The following TMEM156 variants were observed in gnomAD, a reference collection of about 807,000 sequenced individuals.
TMEM156 encodes the protein transmembrane protein 156.
A neutral mutation model predicts 30.5 loss-of-function variants in TMEM156; 28 were observed. The observed-to-expected ratio is 0.92, with a 90% CI of 0.68 to 1.26. The LOEUF is 1.26. Ranked by LOEUF, TMEM156 falls within the 50% of genes most tolerant of loss-of-function variation. The probability of loss-of-function intolerance (pLI) is 0.00; values close to 1 mark genes in which losing one functional copy is unlikely to be tolerated. For synonymous variants in TMEM156, 137 were observed against 119.9 expected (o/e 1.14, Z -0.93); for missense variants, 351 against 340.6 (o/e 1.03, Z -0.24).
chr4:39,006,731 A>G (rs956635519), intron 1 of TMEM156, among the ~76,000 whole-genome samples: 9 of 152,106 alleles, frequency 5.9e-5, no homozygotes, highest in Admixed American at 5.9e-4. Context: ...AGCCTGGCCA[A>G]CGTGGCAAAA....
chr4:39,028,429 CCT>C, intron 1 of TMEM156: 1 of 152,204 alleles, frequency 6.6e-6, no homozygotes, highest in East Asian at 1.9e-4. Flanking sequence ...CAAGGAACGT[CCT>C]CCCAAAGACT....
chr4:39,032,360 T>A lies in TMEM156; in HGVS notation c.-47A>T. On this transcript the variant is annotated 5_prime_UTR_variant, in exon 1 of 7. Transcript: ENST00000381938. ...GTGTTCCCTTGCAGTACATTCATGG[T>A]ATGTTGCTTCCTGCTTTAAGTTTAT... 8.4e-7 allele frequency: 1 copy of A among 1,195,908 alleles called. No individual in the cohort carries two copies. The highest frequency in any genetic ancestry group is 1.2e-6 in the Non-Finnish European group (1 of 814,456). The allele number at this position is 1,195,908 out of a possible 1,614,324, so 74.1% of individuals were successfully genotyped here. A position where few individuals can be genotyped will look rare whatever the true frequency, so the allele number is the denominator to read the frequency against.
chr4:38,969,824 C>A (rs1307431995), intron 6 of TMEM156, among the ~76,000 whole-genome samples: 1 of 152,176 alleles, frequency 6.6e-6, no homozygotes, highest in Admixed American at 6.5e-5. Context: ...AACCCCTGAG[C>A]TCCAGCAACC....
At position 38,993,732 on chromosome 4, in the gene TMEM156, A is replaced by T. The variant is rs1291086999; in HGVS notation, c.619+6T>A. 6.2e-7 allele frequency: 1 copy of T among 1,608,994 alleles called. No individual in the cohort carries two copies. Among genetic ancestry groups the T allele is most frequent in the South Asian group, 1.1e-5 (1 of 90,914 alleles). On this transcript the variant is annotated splice_donor_region_variant and intron_variant, in intron 3 of 6. Coordinates refer to ENST00000381938, the MANE Select transcript of TMEM156 (RefSeq NM_024943.3). Reference sequence around the variant, plus strand: ...CCTTTTCCCTTTAGTTTCCTTAAAAACTTACTTTTTATATCCATCTCTAGG... The same window carrying T: ...CCTTTTCCCTTTAGTTTCCTTAAAATCTTACTTTTTATATCCATCTCTAGG...
intron 1 of TMEM156, among the ~76,000 whole-genome samples, chr4:39,018,096 AT>A (rs968509502): frequency 1.1e-4 from 17 of 151,116 alleles, no homozygotes; most frequent in East Asian, 1.9e-4. Flanking sequence ...TGATTCAGTG[AT>A]TTTTTTTTCT....
At chr4:38,968,238 A>G (rs191372444) in intron 6 of TMEM156, among the ~76,000 whole-genome samples, 3 of 152,346 alleles carry the variant, frequency 2.0e-5, no homozygotes, top group Admixed American at 6.5e-5. Context: ...GTAAGTGTTC[A>G]TGCCAGTTTC....
chr4:38,974,058 CGT>C (rs60030815), intron 5 of TMEM156, among the ~76,000 whole-genome samples: 15,353 of 149,100 alleles, frequency 0.1, 1,346 homozygotes, highest in African/African-American at 0.24. Flanking sequence ...GGAAGGAGTG[CGT>C]GTGTGTGTGT....
intron 6 of TMEM156, among the ~76,000 whole-genome samples, chr4:38,969,471 A>C (rs1467233441): frequency 6.6e-6 from 1 of 152,176 alleles, no homozygotes; most frequent in Non-Finnish European, 1.5e-5. Flanking sequence ...TTATCCATTC[A>C]CCTGTTGATG....
At chr4:38,994,878 C>T (rs1468889902) in intron 2 of TMEM156, among the ~76,000 whole-genome samples, 1 of 151,838 alleles carries the variant, frequency 6.6e-6, no homozygotes, top group East Asian at 1.9e-4. Flanking sequence ...GCAGACGTTG[C>T]AGTGGGTCAA....
At chr4:38,981,582 C>T (rs1255478257) in intron 5 of TMEM156, among the ~76,000 whole-genome samples, 4 of 152,156 alleles carry the variant, frequency 2.6e-5, no homozygotes, top group South Asian at 2.1e-4. Flanking sequence ...CATTACATGG[C>T]GTGCTAGAAA....
chr4:39,011,826 T>C (rs1714142199), intron 1 of TMEM156, among the ~76,000 whole-genome samples: 1 of 152,092 alleles, frequency 6.6e-6, no homozygotes, highest in African/African-American at 2.4e-5. Flanking sequence ...CATGGAATAC[T>C]ATTCAGCCAT....
intron 6 of TMEM156, among the ~76,000 whole-genome samples, chr4:38,969,277 T>C (rs1184335655): frequency 6.6e-6 from 1 of 152,210 alleles, no homozygotes; most frequent in Non-Finnish European, 1.5e-5. Context: ...ATCTTTCCAC[T>C]CTACTTCCAT....
chr4:38,988,473 C>A (rs755351730), intron 4 of TMEM156, among the ~76,000 whole-genome samples: 1 of 152,174 alleles, frequency 6.6e-6, no homozygotes, highest in Non-Finnish European at 1.5e-5. Context: ...CTCAGGTGAT[C>A]CGCCTGCCTC....
chr4:38,975,413 C>T (rs1385225026), intron 5 of TMEM156, among the ~76,000 whole-genome samples: 1 of 138,070 alleles, frequency 7.2e-6, no homozygotes, highest in Admixed American at 7.7e-5. Context: ...GACAGAGTCT[C>T]GCTTTTTCAC....
intron 5 of TMEM156, among the ~76,000 whole-genome samples, chr4:38,977,722 CTTT>C (rs752162515): frequency 3.8e-4 from 58 of 152,306 alleles, no homozygotes; most frequent in Non-Finnish European, 6.8e-4. Flanking sequence ...TCTATGACTT[CTTT>C]TCAGAAACTT....
intron 1 of TMEM156, among the ~76,000 whole-genome samples, chr4:39,021,423 G>T (rs1450134764): frequency 1.3e-5 from 2 of 150,956 alleles, no homozygotes; most frequent in Non-Finnish European, 3.0e-5. Flanking sequence ...AAAAAGAAAA[G>T]AAAAGAAAAA....
At chr4:38,977,793 C>G (rs1397060117) in intron 5 of TMEM156, among the ~76,000 whole-genome samples, 3 of 152,150 alleles carry the variant, frequency 2.0e-5, no homozygotes, top group Admixed American at 1.3e-4. Context: ...CTGGCTGAAT[C>G]TAGTGAACAA....
intron 3 of TMEM156, 64 bp from the exon 4 acceptor site, chr4:38,989,034 G>C (rs942472110): frequency 3.9e-6 from 6 of 1,531,956 alleles, no homozygotes; most frequent in Non-Finnish European, 3.6e-6. Context: ...AGGCAATGTG[G>C]CAGTGTAGCT....
chr4:39,020,215 C>A (rs1471253010), intron 1 of TMEM156, among the ~76,000 whole-genome samples: 3 of 152,182 alleles, frequency 2.0e-5, no homozygotes, highest in African/African-American at 7.2e-5. Context: ...CTGATGGACA[C>A]TTACATTGAT....
Sources: allele counts gnomAD v4.1 joint callset (sites outside exome capture counted in the v4.1 genomes callset), GRCh38; gene constraint gnomAD v4.1.1; transcripts MANE v1.5; gene names NCBI Gene and HGNC (gene_info 2026-07-23, HGNC 2026-07-21).